The following FCHO1 variants were observed in gnomAD, a reference collection of about 807,000 sequenced individuals.
FCHO1 encodes the protein FCH and mu domain containing endocytic adaptor 1, also known as F-BAR domain only protein 1.
In FCHO1, 45 loss-of-function variants were observed where a neutral mutation model predicts 114.4. That is an observed-to-expected ratio of 0.39 (90% CI 0.31 to 0.50). FCHO1 has a LOEUF of 0.50. FCHO1 is among the 20% of genes least tolerant of loss of function. FCHO1 has a pLI of 0.77. For synonymous variants in FCHO1, 480 were observed against 488.9 expected, an observed-to-expected ratio of 0.98 and a Z score of 0.24; for missense variants, 1,042 against 1,209.6, an observed-to-expected ratio of 0.86 and a Z score of 2.06.
chr19:17,772,599 G>A (rs1440294336), intron 10 of FCHO1, 44 bp downstream of exon 10: 4 of 1,613,560 alleles, frequency 2.5e-6, no homozygotes, highest in Non-Finnish European at 3.4e-6. Flanking sequence ...GTCACTGCTG[G>A]GCAAAGGGGC....
chr19:17,748,074 G>A (rs1450021789), upstream of FCHO1, among the ~76,000 whole-genome samples: 1 of 152,182 alleles, frequency 6.6e-6, no homozygotes, highest in Non-Finnish European at 1.5e-5. Flanking sequence ...CGGGGGCGGC[G>A]ACGACGCGAG....
intron 26 of FCHO1, among the ~76,000 whole-genome samples, chr19:17,785,565 G>GGCTCA (rs1238572063): frequency 6.6e-6 from 1 of 152,096 alleles, no homozygotes; most frequent in African/African-American, 2.4e-5. Flanking sequence ...CGGGTGCGGT[G>GGCTCA]GCTCACACCT....
At chr19:17,772,589 G>T (rs749728950) in intron 10 of FCHO1, 34 bp downstream of exon 10, 17 of 1,613,442 alleles carry the variant, frequency 1.1e-5, no homozygotes, top group Admixed American at 1.7e-5. Context: ...TGAGGCTGGG[G>T]TCACTGCTGG....
intron 18 of FCHO1, among the ~76,000 whole-genome samples, chr19:17,777,064 C>G (rs2092721797): frequency 6.6e-6 from 1 of 151,788 alleles, no homozygotes. Context: ...TGCCAAAGTG[C>G]TGGGATTACA....
chr19:17,776,238 T>C lies in FCHO1; in HGVS notation c.1183-9T>C, dbSNP rs1270011853. The C allele has an allele frequency of 6.2e-7, 1 of 1,614,106 alleles. No individual in the cohort carries two copies. Among genetic ancestry groups the C allele is most frequent in the Non-Finnish European group, 8.5e-7 (1 of 1,179,998 alleles). ...CATTCGTGTGTGATGTTGCCCACTT[T>C]GTCCACAGGGCACCATGAAACGCCA... On this transcript the variant is annotated splice_polypyrimidine_tract_variant and intron_variant, in intron 16 of 28. Coordinates refer to ENST00000596536, the MANE Select transcript of FCHO1 (RefSeq NM_015122.3). The surrounding 1 kb of genome is among the most constrained non-coding windows in gnomAD (Gnocchi z 4.4).
chr19:17,753,451 C>G (rs1192676725), intron 1 of FCHO1, among the ~76,000 whole-genome samples: 1 of 152,182 alleles, frequency 6.6e-6, no homozygotes, highest in Non-Finnish European at 1.5e-5. Context: ...TGGACCTTGT[C>G]CCTCCATCTG....
chr19:17,788,083 C>T (rs1304919151), intron 28 of FCHO1, among the ~76,000 whole-genome samples: 1 of 152,026 alleles, frequency 6.6e-6, no homozygotes, highest in African/African-American at 2.4e-5. Flanking sequence ...CGAAGTCCCC[C>T]CTGCCACCCC....
In FCHO1 at chr19:17,775,723, G is replaced by C. The variant is rs2092537642; in HGVS notation, c.1003+210G>C. 6.6e-6 allele frequency among the ~76,000 whole-genome samples: 1 copy of C among 151,970 alleles called. No individual in the cohort carries two copies. Among genetic ancestry groups the C allele is most frequent in the South Asian group, 2.1e-4 (1 of 4,818 alleles). On this transcript the variant is annotated intron_variant, in intron 15 of 28. Coordinates refer to ENST00000596536, the MANE Select transcript of FCHO1 (RefSeq NM_015122.3). The surrounding 1 kb of genome is among the most constrained non-coding windows in gnomAD (Gnocchi z 5.1). ...AAAAGGAGATCTAGCAGGGCTTCCT[G>C]GAGGAGGGGGCACCAGTGTTGGGGT...
At position 17,788,285 on chromosome 19, in the gene FCHO1, G is replaced by A; in HGVS notation, c.2649G>A (p.Gly883=). 3 of 1,605,348 alleles carry A rather than the reference G, an allele frequency of 1.9e-6. No individual in the cohort carries two copies. The highest frequency in any genetic ancestry group is 1.1e-5 in the South Asian group (1 of 90,534). The stretch of plus-strand genomic sequence containing the variant: ...CCCCTCACAGCTGCACCCCCACAGG[G>A]ATGTACCTGGTGAGCTGCTGAACCC... The part of the protein sequence containing the change: ...MSLVKRRFAT[G]MYLVSC Residue 883 remains glycine (G), a splice_region_variant and synonymous_variant, in exon 29 of 29, where the codon GGG becomes GGA. Transcript: ENST00000596536.
At chr19:17,749,998 C>T (rs12971517), upstream of FCHO1, among the ~76,000 whole-genome samples, 40,912 of 152,062 alleles carry the variant, frequency 0.27, 5,758 homozygotes, top group Non-Finnish European at 0.28. Context: ...AAGACGTCAG[C>T]GGCTCCGGAC....
Position 17,774,421 on chromosome 19 carries a change from C to G in FCHO1, c.863C>G (p.Ala288Gly). 6.2e-7 allele frequency: 1 copy of G among 1,613,936 alleles called. No individual in the cohort carries two copies. The highest frequency in any genetic ancestry group is 8.5e-7 in the Non-Finnish European group (1 of 1,180,020). Residue 288 changes from alanine to glycine, a missense_variant, in exon 13 of 29, where the codon GCC becomes GGC. Physicochemically the swap from Ala to Gly is moderately conservative, Grantham distance 60 (BLOSUM62 0). This residue lies in a region of FCHO1 where 450 missense variants were observed against 564.1 expected (regional missense o/e 0.80). Coordinates refer to ENST00000596536, the MANE Select transcript of FCHO1 (RefSeq NM_015122.3). ...ATGAAACGTTTGCGGGGAGCCAAGGCCTTTCGCCTTCCAGGACTAAGCCGG... is the reference window on the plus strand; with the variant it reads ...ATGAAACGTTTGCGGGGAGCCAAGGGCTTTCGCCTTCCAGGACTAAGCCGG... ...EAMKRLRGAK[A>G]FRLPGLSRRE... is the part of the protein sequence containing the mutation.
chr19:17,783,274 T>C lies in FCHO1; in HGVS notation c.2093+102T>C. On this transcript the variant is annotated intron_variant, in intron 24 of 28. Transcript: ENST00000596536. ...GCTTCCTGGGATTTTTTCTTTTCTT[T>C]TTTTTTTGTAGAGACGGAGTCTTGC... 2.3e-6 allele frequency: 3 copies of C among 1,305,616 alleles called. No individual in the cohort carries two copies. In the South Asian group the frequency reaches 4.4e-5, roughly 19 times the overall value. 80.9% of individuals were successfully genotyped at this position (1,305,616 alleles called of 1,614,324 possible). A position where few individuals can be genotyped will look rare whatever the true frequency, so the allele number is the denominator to read the frequency against.
rs759888511 is a variant in FCHO1, at chr19:17,767,563, T to TCAAAA, written c.336+753_336+754insCAAAA. 2.0e-4 allele frequency among the ~76,000 whole-genome samples: 23 copies of TCAAAA among 114,252 alleles called. 2 individuals are homozygous for TCAAAA. Among genetic ancestry groups the TCAAAA allele is most frequent in the African/African-American group, 5.5e-4 (16 of 28,846 alleles). 75.0% of individuals were successfully genotyped at this position (114,252 alleles called of 152,430 possible). The stretch of plus-strand genomic sequence containing the variant: ...GCCTAGGCAACAGAGAAAGACTGTC[T>TCAAAA]AAAAAAAAAAAAAAAAAAAACAAGA... On this transcript the variant is annotated intron_variant, in intron 7 of 28. Transcript: ENST00000596536.
chr19:17,755,480 T>C (rs2083144539), intron 4 of FCHO1: 2 of 295,040 alleles, frequency 6.8e-6, no homozygotes, highest in Admixed American at 4.7e-5. Flanking sequence ...GCAGAGTCAG[T>C]GCTCAAACCC....
intron 5 of FCHO1, among the ~76,000 whole-genome samples, chr19:17,763,951 A>AT (rs932200766): frequency 6.6e-6 from 1 of 151,874 alleles, no homozygotes; most frequent in African/African-American, 2.4e-5. Flanking sequence ...TCATCCCCCC[A>AT]TTATGGAAAG....
chr19:17,754,874 C>T (rs2082926980), intron 3 of FCHO1, 193 bp downstream of exon 3: 2 of 451,594 alleles, frequency 4.4e-6, no homozygotes, highest in Non-Finnish European at 8.2e-6. Context: ...CTTGTCCCTC[C>T]ACCTAGTCCA....
chr19:17,775,578 C>G lies in FCHO1; in HGVS notation c.1003+65C>G, dbSNP rs2147113860. 7.1e-7 allele frequency: 1 copy of G among 1,411,838 alleles called. No homozygotes were observed. Among genetic ancestry groups the G allele is most frequent in the African/African-American group, 1.4e-5 (1 of 71,068 alleles). The allele number at this position is 1,411,838 out of a possible 1,614,324, so 87.5% of individuals were successfully genotyped here. On this transcript the variant is annotated intron_variant, in intron 15 of 28. Coordinates refer to ENST00000596536, the MANE Select transcript of FCHO1 (RefSeq NM_015122.3). This position sits in a 1 kb window ranked among gnomAD's most constrained non-coding sequence, Gnocchi z 5.1. The stretch of plus-strand genomic sequence containing the variant: ...GCAAGGACAAAATTCTCCGTAATAA[C>G]CAGTCCACCTTCAGCAGTCCTCTCT...
At position 17,766,781 on chromosome 19, in the gene FCHO1, G is replaced by A. The variant is rs146048151; in HGVS notation, c.307G>A (p.Gly103Ser). ...TCTCATCAAGGACGTTCTCCGCTAC[G>A]GCGAGGAACAGCTCAAGACCCACAA... ...QDLIKDVLRY[G>S]EEQLKTHKKC... The change falls in exon 7 of 29, where the codon GGC becomes AGC. Residue 103 changes from glycine (G) to serine (S), a missense_variant. Physicochemically the swap from Gly to Ser is moderately conservative, Grantham distance 56. Around this residue, in one of 3 missense-constraint regions of FCHO1, gnomAD observed 450 missense variants for 564.1 expected, o/e 0.80. Coordinates refer to ENST00000596536, the MANE Select transcript of FCHO1 (RefSeq NM_015122.3). The A allele has an allele frequency of 3.7e-4, 598 of 1,614,118 alleles. No homozygotes were observed. Among genetic ancestry groups the A allele is most frequent in the Non-Finnish European group, 4.7e-4 (557 of 1,180,004 alleles).
At chr19:17,773,167 G>A (rs936789180) in intron 11 of FCHO1, among the ~76,000 whole-genome samples, 2 of 152,222 alleles carry the variant, frequency 1.3e-5, no homozygotes, top group African/African-American at 4.8e-5. Context: ...ATGCAGGACT[G>A]GGAAGGAGTT....
Sources: allele counts gnomAD v4.1 joint callset (sites outside exome capture counted in the v4.1 genomes callset), GRCh38; gene constraint gnomAD v4.1.1; regional missense constraint gnomAD v4.1.1; non-coding constraint Gnocchi (gnomAD v3.1); transcripts MANE v1.5; gene names NCBI Gene and HGNC (gene_info 2026-07-23, HGNC 2026-07-21).